Variants in VWA8 observed in about 807,000 individuals in gnomAD.
VWA8 encodes von Willebrand factor A domain containing 8.
VWA8 carries 221 observed loss-of-function variants against 241.5 expected under a neutral mutation model. The ratio of observed to expected loss-of-function variants is 0.91; its 90% CI spans 0.82 to 1.02. The LOEUF (loss-of-function observed/expected upper bound fraction) is 1.02, where lower values mean the gene tolerates loss of function less well. VWA8 is among the 50% of genes least tolerant of loss of function. The probability of loss-of-function intolerance (pLI) is 0.00; values close to 1 mark genes in which losing one functional copy is unlikely to be tolerated. For missense variants in VWA8, 2,322 were observed against 2,328.7 expected, an observed-to-expected ratio of 1.00 and a Z score of 0.06; for synonymous variants, 852 against 827.1, an observed-to-expected ratio of 1.03 and a Z score of -0.52.
chr13:41,571,321 CTCTCCCG>C (rs1222828875), intron 43 of VWA8, among the ~76,000 whole-genome samples: 4 of 142,534 alleles, frequency 2.8e-5, no homozygotes, highest in African/African-American at 7.9e-5. Flanking sequence ...CTCCCTCTCC[CTCTCCCG>C]TCTCCCTCTC....
Position 41,787,549 on chromosome 13 carries a change from G to A in VWA8, c.2064-6C>T. The A allele has an allele frequency of 2.5e-6, 4 of 1,594,306 alleles. No homozygotes were observed. The South Asian group carries it at 4.4e-5, about 18-fold the overall frequency. ...TAGCAAGACTGGGTAAAAACCTGGA[G>A]GATGAAGAGGGAGGAAGGGGGAAAT... On this transcript the variant is annotated splice_polypyrimidine_tract_variant and splice_region_variant and intron_variant, in intron 17 of 44. Transcript: ENST00000379310.
Position 41,783,868 on chromosome 13 carries a change from G to A in VWA8, c.2204C>T (p.Ala735Val), listed in dbSNP as rs1869015737. ...EVTSGTLRIG[A>V]VSAPIYNAHE... ...TGCATTATAGATCGGTGCACTAACA[G>A]CACCAATCCTCAGAGTTCCAGATGT... Residue 735 changes from alanine to valine, a missense_variant, in exon 19 of 45, where the codon GCT (alanine) becomes GTT (valine). Coordinates refer to ENST00000379310, the MANE Select transcript of VWA8 (RefSeq NM_015058.2). 6.2e-7 allele frequency: 1 copy of A among 1,613,464 alleles called. No individual in the cohort carries two copies. The highest frequency in any genetic ancestry group is 8.5e-7 in the Non-Finnish European group (1 of 1,179,832).
chr13:41,787,669 C>T (rs1869267623), intron 17 of VWA8, 126 bp from the exon 18 acceptor site: 1 of 632,302 alleles, frequency 1.6e-6, no homozygotes, highest in Non-Finnish European at 2.8e-6. Context: ...TAAGGAAGAT[C>T]AGTCTGGATC....
chr13:41,639,514 T>A (rs2044781338), intron 37 of VWA8, among the ~76,000 whole-genome samples: 1 of 152,216 alleles, frequency 6.6e-6, no homozygotes, highest in Non-Finnish European at 1.5e-5. Context: ...TGCTAACCTG[T>A]AGGCACCTTA....
At chr13:41,881,073 C>G (rs1874147728) in intron 9 of VWA8, among the ~76,000 whole-genome samples, 1 of 152,102 alleles carries the variant, frequency 6.6e-6, no homozygotes, top group East Asian at 1.9e-4. Context: ...TTGTTCATTT[C>G]TATCAGTATG....
chr13:41,785,427 T>C (rs1359406733), intron 18 of VWA8, among the ~76,000 whole-genome samples: 2 of 152,146 alleles, frequency 1.3e-5, no homozygotes, highest in Non-Finnish European at 2.9e-5. Flanking sequence ...CAAGCAAATA[T>C]ACAACGCCTT....
intron 4 of VWA8, among the ~76,000 whole-genome samples, chr13:41,900,580 A>G (rs1875377435): frequency 6.6e-6 from 1 of 152,200 alleles, no homozygotes; most frequent in African/African-American, 2.4e-5. Context: ...GATTTGATAT[A>G]AGACCTTAGG....
At chr13:41,895,053 T>A (rs1415830720) in intron 4 of VWA8, among the ~76,000 whole-genome samples, 1 of 151,832 alleles carries the variant, frequency 6.6e-6, no homozygotes, top group African/African-American at 2.4e-5. Context: ...GAGGAGCTAG[T>A]AGAGGAATAC....
chr13:41,589,858 T>C (rs1242750234), intron 41 of VWA8, among the ~76,000 whole-genome samples: 1 of 151,672 alleles, frequency 6.6e-6, no homozygotes, highest in East Asian at 1.9e-4. Flanking sequence ...ACTACCCCCG[T>C]AAAATCATCT....
At chr13:41,843,585 T>C (rs1872153683) in intron 12 of VWA8, among the ~76,000 whole-genome samples, 1 of 152,062 alleles carries the variant, frequency 6.6e-6, no homozygotes, top group Non-Finnish European at 1.5e-5. Flanking sequence ...ATAAACAAGA[T>C]AGACCACTAG....
intron 4 of VWA8, among the ~76,000 whole-genome samples, chr13:41,899,189 A>C (rs1229257785): frequency 6.6e-6 from 1 of 152,246 alleles, no homozygotes; most frequent in Non-Finnish European, 1.5e-5. Context: ...TCAACTAAAA[A>C]GGAAAATTAA....
At chr13:41,801,117 CTT>C (rs1278833412) in intron 17 of VWA8, among the ~76,000 whole-genome samples, 1 of 151,022 alleles carries the variant, frequency 6.6e-6, no homozygotes, top group Non-Finnish European at 1.5e-5. Context: ...TAGATCAACT[CTT>C]ATTATTTATT....
intron 32 of VWA8, 41 bp downstream of exon 32, chr13:41,691,279 G>C (rs1408199902): frequency 6.3e-7 from 1 of 1,587,710 alleles, no homozygotes; most frequent in Non-Finnish European, 8.6e-7. Context: ...ATAAGATTGA[G>C]CTACAACATA....
chr13:41,602,525 A>G (rs1482300907), intron 40 of VWA8, among the ~76,000 whole-genome samples: 1 of 152,164 alleles, frequency 6.6e-6, no homozygotes, highest in African/African-American at 2.4e-5. Context: ...CATCTATCAA[A>G]TGTAGAAAAT....
intron 15 of VWA8, 142 bp downstream of exon 15, chr13:41,819,076 C>T: frequency 1.3e-6 from 1 of 774,230 alleles, no homozygotes. Flanking sequence ...GATCCACTGA[C>T]CTTCACCACT....
intron 13 of VWA8, among the ~76,000 whole-genome samples, chr13:41,832,750 A>G (rs1480660772): frequency 6.6e-6 from 1 of 152,186 alleles, no homozygotes; most frequent in Non-Finnish European, 1.5e-5. Context: ...TTACACACGA[A>G]GAGCCTTCTC....
At chr13:41,866,348 CA>C (rs971802530) in intron 10 of VWA8, among the ~76,000 whole-genome samples, 14 of 141,882 alleles carry the variant, frequency 9.9e-5, no homozygotes, top group Admixed American at 1.4e-4. Context: ...GACTCTGTCC[CA>C]AAAAAAAAAA....
chr13:41,664,050 C>T (rs931992329), intron 37 of VWA8, among the ~76,000 whole-genome samples: 1 of 151,782 alleles, frequency 6.6e-6, no homozygotes, highest in African/African-American at 2.4e-5. Context: ...CCACTCTTTC[C>T]ACCTATGTCT....
At chr13:41,756,132 T>A (rs1240532058) in intron 21 of VWA8, among the ~76,000 whole-genome samples, 1 of 151,776 alleles carries the variant, frequency 6.6e-6, no homozygotes, top group Non-Finnish European at 1.5e-5. Context: ...ATATCATTAC[T>A]AAGGACATTA....
Sources: gnomAD v4.1 joint callset for allele counts (sites outside exome capture counted in the v4.1 genomes callset) on GRCh38, gnomAD v4.1.1 for gene constraint, MANE v1.5 for transcripts, NCBI Gene and HGNC (gene_info 2026-07-23, HGNC 2026-07-21) for gene names.